Variants in IL1RAPL1 observed in about 807,000 individuals in gnomAD.
The protein encoded by IL1RAPL1 is interleukin-1 receptor accessory protein-like 1.
Under a neutral mutation model 48.4 loss-of-function variants are expected in IL1RAPL1, and 3 were observed. That is an observed-to-expected ratio of 0.06 (90% CI 0.03 to 0.16). The LOEUF (loss-of-function observed/expected upper bound fraction) is 0.16. IL1RAPL1 is among the 10% of genes least tolerant of loss of function. The pLI is 1.00. For missense variants in IL1RAPL1, 349 were observed against 530.6 expected (o/e 0.66, Z 3.36); for synonymous variants, 185 against 187.7 (o/e 0.99, Z 0.12).
intron 2 of IL1RAPL1, among the ~76,000 whole-genome samples, chrX:28,791,814 C>T (rs772144749): frequency 2.7e-5 from 3 of 111,742 alleles, no homozygotes; most frequent in African/African-American, 9.8e-5. Context: ...TATCCACATA[C>T]TTTCATAGCT....
chrX:29,165,880 A>G (rs1001422123), intron 2 of IL1RAPL1, among the ~76,000 whole-genome samples: 34 of 111,876 alleles, frequency 3.0e-4, no homozygotes, highest in African/African-American at 1.0e-3. Flanking sequence ...ACACACTACT[A>G]TATACCTTGA....
intron 6 of IL1RAPL1, among the ~76,000 whole-genome samples, chrX:29,736,945 C>T (rs190345011): frequency 2.6e-4 from 29 of 111,321 alleles, no homozygotes; most frequent in South Asian, 1.1e-3. Context: ...AAGATGGGCC[C>T]GGGTAAGCAT....
chrX:29,651,563 A>C (rs1281985343), intron 5 of IL1RAPL1, among the ~76,000 whole-genome samples: 2 of 111,709 alleles, frequency 1.8e-5, no homozygotes, highest in Non-Finnish European at 3.8e-5. Context: ...ATGGAATCTA[A>C]AAAACTCATC....
chrX:29,431,060 C>T (rs1253411864), intron 5 of IL1RAPL1, among the ~76,000 whole-genome samples: 1 of 111,635 alleles, frequency 9.0e-6, no homozygotes, highest in Non-Finnish European at 1.9e-5. Flanking sequence ...ACAGCAGTAG[C>T]ACTCAATTAT....
chrX:29,566,606 A>G (rs1488415767), intron 5 of IL1RAPL1, among the ~76,000 whole-genome samples: 1 of 112,003 alleles, frequency 8.9e-6, no homozygotes. Context: ...GAGCCTGGCT[A>G]GATGAGTGAT....
intron 1 of IL1RAPL1, among the ~76,000 whole-genome samples, chrX:28,734,260 C>T (rs902281443): frequency 9.9e-5 from 11 of 111,633 alleles, no homozygotes; most frequent in African/African-American, 2.9e-4. Context: ...CAGTCCTCAC[C>T]TTGAAACCCT....
At chrX:29,330,629 T>C (rs1008325096) in intron 3 of IL1RAPL1, among the ~76,000 whole-genome samples, 4 of 111,324 alleles carry the variant, frequency 3.6e-5, no homozygotes, top group Non-Finnish European at 5.7e-5. Flanking sequence ...ACAGTTTCCT[T>C]GACCCAGACA....
intron 2 of IL1RAPL1, among the ~76,000 whole-genome samples, chrX:28,961,140 C>T (rs1415264216): frequency 9.3e-6 from 1 of 107,806 alleles, no homozygotes; most frequent in East Asian, 2.9e-4. Flanking sequence ...TTACTAGCTA[C>T]GGAAGGGTTT....
intron 6 of IL1RAPL1, among the ~76,000 whole-genome samples, chrX:29,774,756 T>G (rs1929152730): frequency 8.9e-6 from 1 of 112,041 alleles, no homozygotes; most frequent in African/African-American, 3.2e-5. Flanking sequence ...TGTTGGGGTC[T>G]GTCTGCAAAC....
chrX:29,318,587 T>G (rs917062429), intron 3 of IL1RAPL1, among the ~76,000 whole-genome samples: 14 of 112,532 alleles, frequency 1.2e-4, no homozygotes, highest in African/African-American at 4.5e-4. Flanking sequence ...GTTCAGTGTT[T>G]GTTTTATTTC....
At chrX:29,793,150 A>G (rs1360425674) in intron 6 of IL1RAPL1, among the ~76,000 whole-genome samples, 1 of 112,370 alleles carries the variant, frequency 8.9e-6, no homozygotes, top group Non-Finnish European at 1.9e-5. Flanking sequence ...TTCATTCCAC[A>G]TCTATTCCCA....
At chrX:29,623,577 AC>A (rs1339737204) in intron 5 of IL1RAPL1, among the ~76,000 whole-genome samples, 1 of 112,192 alleles carries the variant, frequency 8.9e-6, no homozygotes, top group African/African-American at 3.2e-5. Context: ...TCTTGGAAAT[AC>A]CGTTCCTCTA....
chrX:29,253,973 G>A (rs1232452736), intron 2 of IL1RAPL1, among the ~76,000 whole-genome samples: 1 of 111,669 alleles, frequency 9.0e-6, no homozygotes, highest in Non-Finnish European at 1.9e-5. Context: ...TAGACATAAA[G>A]CAAATGGTCT....
intron 6 of IL1RAPL1, among the ~76,000 whole-genome samples, chrX:29,887,640 A>G (rs1051307643): frequency 9.1e-6 from 1 of 109,812 alleles, no homozygotes; most frequent in African/African-American, 3.3e-5. Flanking sequence ...TGTGGATACA[A>G]TAGCAAAAGT....
chrX:29,924,849 T>C (rs1932873123), intron 8 of IL1RAPL1, among the ~76,000 whole-genome samples: 1 of 112,030 alleles, frequency 8.9e-6, no homozygotes, highest in South Asian at 3.7e-4. Context: ...CTTCAAAGAA[T>C]GTAATCGATA....
In IL1RAPL1 at chrX:29,255,362, T is replaced by C. The variant is rs147761392; in HGVS notation, c.83-27576T>C. Among the ~76,000 whole-genome samples, 457 of 109,840 alleles carry C rather than the reference T, an allele frequency of 4.2e-3. 2 individuals are homozygous for C. Among genetic ancestry groups the C allele is most frequent in the Non-Finnish European group, 7.1e-3 (375 of 52,543 alleles). Reference sequence around the variant, plus strand: ...CTCCCCAGAAACTGATTCATGGTCGTTGAAGTATCTCATATGACCCCCATC... The same window carrying C: ...CTCCCCAGAAACTGATTCATGGTCGCTGAAGTATCTCATATGACCCCCATC... On this transcript the variant is annotated intron_variant, in intron 2 of 10. Coordinates refer to ENST00000378993, the MANE Select transcript of IL1RAPL1 (RefSeq NM_014271.4).
At chrX:28,982,572 G>T (rs1028119009) in intron 2 of IL1RAPL1, among the ~76,000 whole-genome samples, 12 of 111,617 alleles carry the variant, frequency 1.1e-4, no homozygotes. Flanking sequence ...TCAAACAAGG[G>T]TATGTATTTC....
chrX:29,747,420 G>A (rs1928359698), intron 6 of IL1RAPL1, among the ~76,000 whole-genome samples: 1 of 112,319 alleles, frequency 8.9e-6, no homozygotes, highest in African/African-American at 3.2e-5. Context: ...TATTCCATTG[G>A]CCTGTCCATG....
At chrX:28,898,648 C>G (rs1255835079) in intron 2 of IL1RAPL1, among the ~76,000 whole-genome samples, 1 of 110,994 alleles carries the variant, frequency 9.0e-6, no homozygotes, top group Admixed American at 9.7e-5. Context: ...TTTTTATAAT[C>G]TAATAGAAAG....
Sources: gnomAD v4.1 joint callset for allele counts (sites outside exome capture counted in the v4.1 genomes callset) on GRCh38, gnomAD v4.1.1 for gene constraint, MANE v1.5 for transcripts, NCBI Gene and HGNC (gene_info 2026-07-23, HGNC 2026-07-21) for gene names.